OR2A5: variants seen among roughly 807,000 people sequenced by gnomAD.
OR2A5 encodes olfactory receptor family 2 subfamily A member 5, also known as olfactory receptor 2A5.
Under a neutral mutation model 1.9 loss-of-function variants are expected in OR2A5, and 2 were observed. The observed-to-expected ratio is 1.04, with a 90% confidence interval of 0.43 to 3.28. OR2A5 has a LOEUF of 3.28. Among genes scored for constraint, OR2A5 ranks in the 30% most tolerant of loss-of-function variants. The pLI is 0.08. For synonymous variants in OR2A5, 160 were observed against 154.5 expected, an observed-to-expected ratio of 1.04 and a Z score of -0.26; for missense variants, 391 against 375.9, an observed-to-expected ratio of 1.04 and a Z score of -0.33.
At position 144,052,144 on chromosome 7, in the gene OR2A5, A is replaced by G. The variant is rs897813369; in HGVS notation, c.*807A>G. The G allele has an allele frequency of 6.6e-6, 1 of 152,250 alleles. No homozygotes were observed. The highest frequency in any genetic ancestry group is 1.5e-5 in the Non-Finnish European group (1 of 68,044). 9.4% of individuals were successfully genotyped at this position (152,250 alleles called of 1,614,324 possible). A position where few individuals can be genotyped will look rare whatever the true frequency, so the allele number is the denominator to read the frequency against. On this transcript the variant is annotated 3_prime_UTR_variant, in exon 2 of 2. Transcript: ENST00000641693. ...TAGTAAGAAAATACTGCAAAGGAAG[A>G]AAGCATCAAGGGAAACTGACAGCTT...
rs751480736 is a variant in OR2A5 at position 144,051,291 on chromosome 7, T to C, written c.890T>C (p.Val297Ala). 6.2e-7 allele frequency: 1 copy of C among 1,613,346 alleles called. No individual in the cohort carries two copies. The highest frequency in any genetic ancestry group is 1.1e-5 in the South Asian group (1 of 90,970). ...ATCTATAGCCTGAGGAACGCAGAGGTCAAGGGTGCCCTGAAAAGAGTGTTG... is the reference window on the plus strand; with the variant it reads ...ATCTATAGCCTGAGGAACGCAGAGGCCAAGGGTGCCCTGAAAAGAGTGTTG... ...PLIYSLRNAEVKGALKRVLWK... is the reference protein window; with the variant it reads ...PLIYSLRNAEAKGALKRVLWK... The change falls in exon 2 of 2, where the codon GTC becomes GCC. Residue 297 changes from valine (V) to alanine (A), a missense_variant. Coordinates refer to ENST00000641693, the MANE Select transcript of OR2A5 (RefSeq NM_012365.2).
In OR2A5 at chr7:144,057,251, G is replaced by A. The variant is rs1050101556; in HGVS notation, c.*5914G>A. On this transcript the variant is annotated 3_prime_UTR_variant, in exon 2 of 2. Coordinates refer to ENST00000641693, the MANE Select transcript of OR2A5 (RefSeq NM_012365.2). ...ACAGAGACTATTTTTTAAGAAAATG[G>A]AATAAAAAGCACATAGAATCTAGAC... 1.3e-5 allele frequency: 2 copies of A among 152,042 alleles called. No individual in the cohort carries two copies. Among genetic ancestry groups the A allele is most frequent in the Admixed American group, 1.3e-4 (2 of 15,248 alleles). 9.4% of individuals were successfully genotyped at this position (152,042 alleles called of 1,614,324 possible). A position where few individuals can be genotyped will look rare whatever the true frequency, so the allele number is the denominator to read the frequency against.
chr7:144,049,918 G>A (rs2050888409), intron 1 of OR2A5, among the ~76,000 whole-genome samples: 1 of 152,186 alleles, frequency 6.6e-6, no homozygotes, highest in Non-Finnish European at 1.5e-5. Flanking sequence ...TGGAGCACCT[G>A]CATGTGCAAT....
chr7:144,050,318 A>G (rs2050890451), intron 1 of OR2A5, 33 bp from the exon 2 acceptor site: 2 of 905,330 alleles, frequency 2.2e-6, no homozygotes, highest in Non-Finnish European at 3.4e-6. Context: ...CCTTCTGTTA[A>G]CTGACTAATC....
In OR2A5 at chr7:144,051,356, T is replaced by G; in HGVS notation, c.*19T>G. On this transcript the variant is annotated 3_prime_UTR_variant, in exon 2 of 2. Coordinates refer to ENST00000641693, the MANE Select transcript of OR2A5 (RefSeq NM_012365.2). The stretch of plus-strand genomic sequence containing the variant: ...AAAGTGAGGGATGCCAGGGAAAGTC[T>G]AGAGGGTTGAAGATTTGCTCCCAAT... 1 of 1,572,030 alleles carries G rather than the reference T, an allele frequency of 6.4e-7. No individual in the cohort carries two copies. The highest frequency in any genetic ancestry group is 8.6e-7 in the Non-Finnish European group (1 of 1,156,310).
In OR2A5 at chr7:144,050,658, T is replaced by C. The variant is rs770194479; in HGVS notation, c.257T>C (p.Leu86Ser). Residue 86 changes from leucine to serine, a missense_variant, in exon 2 of 2, where the codon TTG becomes TCG. Leu to Ser is a moderately radical substitution (Grantham distance 145). Coordinates refer to ENST00000641693, the MANE Select transcript of OR2A5 (RefSeq NM_012365.2). ...NVPKMLTNLG[L>S]NKRKTISFVP... ...CCCAAGATGCTGACAAACCTTGGCT[T>C]GAACAAGAGAAAAACAATCTCCTTT... The C allele has an allele frequency of 2.5e-6, 4 of 1,614,156 alleles. No individual in the cohort carries two copies. The East Asian group carries it at 8.9e-5, about 36-fold the overall frequency.
At position 144,056,816 on chromosome 7, in the gene OR2A5, T is replaced by TTTG. The variant is rs2050942817; in HGVS notation, c.*5481_*5482insGTT. 1 of 143,842 alleles carries TTTG rather than the reference T, an allele frequency of 7.0e-6. No homozygotes were observed. Among genetic ancestry groups the TTTG allele is most frequent in the African/African-American group, 2.6e-5 (1 of 38,010 alleles). The allele number at this position is 143,842 out of a possible 1,614,324, so 8.9% of individuals were successfully genotyped here. ...CTGAAATAAGGACTAACTCTTGTTT[T>TTTG]TTTTTTTTTTTTTTTTGAGACGGAG... On this transcript the variant is annotated 3_prime_UTR_variant, in exon 2 of 2. Coordinates refer to ENST00000641693, the MANE Select transcript of OR2A5 (RefSeq NM_012365.2).
In OR2A5 at chr7:144,050,730, CTGAG is replaced by C. The variant is rs1247069879; in HGVS notation, c.332_335del (p.Glu111ValfsTer5). On this transcript the variant is annotated frameshift_variant, in exon 2 of 2. Transcript: ENST00000641693. LOFTEE classifies it high-confidence loss of function. ...TTTTTATACATGGCTTTTGCTCACA[CTGAG>C]TGTCTCATCTTGGTAATGATGTCCT... 6 of 1,604,626 alleles carry C rather than the reference CTGAG, an allele frequency of 3.7e-6. No homozygotes were observed. Among genetic ancestry groups the C allele is most frequent in the Non-Finnish European group, 4.2e-6 (5 of 1,179,778 alleles).
Position 144,050,900 on chromosome 7 carries a change from C to A in OR2A5, c.499C>A (p.Pro167Thr). 6.2e-7 allele frequency: 1 copy of A among 1,614,196 alleles called. No individual in the cohort carries two copies. Among genetic ancestry groups the A allele is most frequent in the South Asian group, 1.1e-5 (1 of 91,082 alleles). Residue 167 changes from proline to threonine, a missense_variant, in exon 2 of 2, where the codon CCC becomes ACC. Transcript: ENST00000641693. ...LVHVVLILRLPFCGPHEINHF... is the reference protein window; with the variant it reads ...LVHVVLILRLTFCGPHEINHF... Reference sequence around the variant, plus strand: ...CCATGTGGTTCTCATCCTGAGGCTGCCCTTCTGTGGGCCCCATGAAATCAA... The same window carrying A: ...CCATGTGGTTCTCATCCTGAGGCTGACCTTCTGTGGGCCCCATGAAATCAA...
Position 144,050,458 on chromosome 7 carries a change from C to T in OR2A5, c.57C>T (p.Ser19=). ...TCATTCTCCTGGGATTTCCACTCAGCCTAAGGATTCAGATGCTCCTCTCTG... is the reference window on the plus strand; with the variant it reads ...TCATTCTCCTGGGATTTCCACTCAGTCTAAGGATTCAGATGCTCCTCTCTG... ...TEFILLGFPL[S]LRIQMLLSGL... The change falls in exon 2 of 2, where the codon AGC becomes AGT. Residue 19 remains serine, a synonymous_variant. Coordinates refer to ENST00000641693, the MANE Select transcript of OR2A5 (RefSeq NM_012365.2). 3 of 1,564,824 alleles carry T rather than the reference C, an allele frequency of 1.9e-6. No homozygotes were observed. The highest frequency in any genetic ancestry group is 2.6e-6 in the Non-Finnish European group (3 of 1,160,680).
rs1386094349 is a variant in OR2A5, at chr7:144,050,432, T to C, written c.31T>C (p.Phe11Leu). Residue 11 changes from phenylalanine (F) to leucine (L), a missense_variant, in exon 2 of 2, where the codon TTC (phenylalanine) becomes CTC (leucine). Physicochemically the swap from Phe to Leu is conservative, Grantham distance 22. Transcript: ENST00000641693. The stretch of plus-strand genomic sequence containing the variant: ...AAAAAATCAGACATGGGTCACAGAA[T>C]TCATTCTCCTGGGATTTCCACTCAG... The part of the protein sequence containing the change: MTKNQTWVTE[F>L]ILLGFPLSLR... The C allele has an allele frequency of 3.2e-6, 5 of 1,542,898 alleles. No individual in the cohort carries two copies. The highest frequency in any genetic ancestry group is 4.3e-6 in the Non-Finnish European group (5 of 1,150,734).
rs4725639 is a variant in OR2A5 at position 144,057,175 on chromosome 7, T to A, written c.*5838T>A. The stretch of plus-strand genomic sequence containing the variant: ...GATAAATTCTAGATGGAGTACATTA[T>A]GGGAAAAAATGTGAAATAGAACATG... On this transcript the variant is annotated 3_prime_UTR_variant, in exon 2 of 2. Transcript: ENST00000641693. 2 of 151,878 alleles carry A rather than the reference T, an allele frequency of 1.3e-5. No individual in the cohort carries two copies. The highest frequency in any genetic ancestry group is 2.9e-5 in the Non-Finnish European group (2 of 67,974). 9.4% of individuals were successfully genotyped at this position (151,878 alleles called of 1,614,324 possible). A position where few individuals can be genotyped will look rare whatever the true frequency, so the allele number is the denominator to read the frequency against.
rs925130613 is a variant in OR2A5, at chr7:144,053,038, A to G, written c.*1701A>G. On this transcript the variant is annotated 3_prime_UTR_variant, in exon 2 of 2. Transcript: ENST00000641693. ...TAGAATAGTTCATCTCATATAAAAC[A>G]TAAGCAATAGATTTGGATTCAGAAT... 6.6e-6 allele frequency: 1 copy of G among 152,188 alleles called. No individual in the cohort carries two copies. The highest frequency in any genetic ancestry group is 1.5e-5 in the Non-Finnish European group (1 of 68,022). The allele number at this position is 152,188 out of a possible 1,614,324, so 9.4% of individuals were successfully genotyped here.
In OR2A5 at chr7:144,056,797, T is replaced by A. The variant is rs796790478; in HGVS notation, c.*5460T>A. Reference sequence around the variant, plus strand: ...GAAATAAAACACGCATTCCCTGAAATAAGGACTAACTCTTGTTTTTTTTTT... The same window carrying A: ...GAAATAAAACACGCATTCCCTGAAAAAAGGACTAACTCTTGTTTTTTTTTT... On this transcript the variant is annotated 3_prime_UTR_variant, in exon 2 of 2. Coordinates refer to ENST00000641693, the MANE Select transcript of OR2A5 (RefSeq NM_012365.2). 2.7e-4 allele frequency: 39 copies of A among 146,744 alleles called. No homozygotes were observed. Among genetic ancestry groups the A allele is most frequent in the African/African-American group, 9.8e-4 (39 of 39,702 alleles). The allele number at this position is 146,744 out of a possible 1,614,324, so 9.1% of individuals were successfully genotyped here. A position where few individuals can be genotyped will look rare whatever the true frequency, so the allele number is the denominator to read the frequency against.
intron 1 of OR2A5, 57 bp from the exon 2 acceptor site, chr7:144,050,294 A>G: frequency 1.4e-6 from 1 of 717,656 alleles, no homozygotes; most frequent in South Asian, 2.1e-5. Context: ...CCCTGTGTGC[A>G]CCATAAACCC....
Position 144,050,831 on chromosome 7 carries a change from CT to C in OR2A5, c.431del (p.Leu144ArgfsTer21). 6.2e-7 allele frequency: 1 copy of C among 1,614,204 alleles called. No homozygotes were observed. Reference sequence around the variant, plus strand: ...CATGAGATGGGGAGTGTGCACAGTCCTGGCTGTCACTTCTTGGGCATGTGGT... The same window carrying C: ...CATGAGATGGGGAGTGTGCACAGTCCGGCTGTCACTTCTTGGGCATGTGGT... ...VIMRWGVCTV[L>X]AVTSWACGSL... On this transcript the variant is annotated frameshift_variant, in exon 2 of 2. Transcript: ENST00000641693. LOFTEE classifies it high-confidence loss of function.
Position 144,056,679 on chromosome 7 carries a change from G to T in OR2A5, c.*5342G>T, listed in dbSNP as rs557091463. The T allele has an allele frequency of 6.6e-6, 1 of 152,270 alleles. No homozygotes were observed. Among genetic ancestry groups the T allele is most frequent in the South Asian group, 2.1e-4 (1 of 4,826 alleles). The allele number at this position is 152,270 out of a possible 1,614,324, so 9.4% of individuals were successfully genotyped here. A position where few individuals can be genotyped will look rare whatever the true frequency, so the allele number is the denominator to read the frequency against. On this transcript the variant is annotated 3_prime_UTR_variant, in exon 2 of 2. Transcript: ENST00000641693. ...TTAAATGCATAAAAGATTTCTTAAA[G>T]ATATGCTAACTATTTTAGATGGCCA...
rs770700389 is a variant in OR2A5, at chr7:144,050,965, C to T, written c.564C>T (p.Ala188=). 3.1e-6 allele frequency: 5 copies of T among 1,614,218 alleles called. No individual in the cohort carries two copies. Among genetic ancestry groups the T allele is most frequent in the Non-Finnish European group, 3.4e-6 (4 of 1,180,044 alleles). The change falls in exon 2 of 2, where the codon GCC becomes GCT. Residue 188 remains alanine, a synonymous_variant. Transcript: ENST00000641693. ...FCEILSVLKL[A]CADTWLNQVV... ...AAATCCTGTCTGTCCTCAAGTTGGC[C>T]TGTGCTGACACCTGGCTCAACCAGG...
chr7:144,050,833 G>A lies in OR2A5; in HGVS notation c.432G>A (p.Leu144=). ...TGAGATGGGGAGTGTGCACAGTCCT[G>A]GCTGTCACTTCTTGGGCATGTGGTT... The part of the protein sequence containing the change: ...VIMRWGVCTV[L]AVTSWACGSL... The change falls in exon 2 of 2, where the codon CTG becomes CTA. Residue 144 remains leucine (L), a synonymous_variant. Coordinates refer to ENST00000641693, the MANE Select transcript of OR2A5 (RefSeq NM_012365.2). 6.2e-7 allele frequency: 1 copy of A among 1,614,058 alleles called. No homozygotes were observed. Among genetic ancestry groups the A allele is most frequent in the East Asian group, 2.2e-5 (1 of 44,886 alleles).
Sources: gnomAD v4.1 joint callset for allele counts (sites outside exome capture counted in the v4.1 genomes callset) on GRCh38, gnomAD v4.1.1 for gene constraint, MANE v1.5 for transcripts, NCBI Gene and HGNC (gene_info 2026-07-23, HGNC 2026-07-21) for gene names.